Variants in BRD3 observed in about 807,000 individuals in gnomAD.
BRD3 encodes bromodomain-containing protein 3.
Under a neutral mutation model 66.8 loss-of-function variants are expected in BRD3, and 17 were observed. The observed-to-expected ratio is 0.25, with a 90% CI of 0.17 to 0.38. The LOEUF (loss-of-function observed/expected upper bound fraction) is 0.38. Among genes scored for constraint, BRD3 ranks in the 10% least tolerant of loss-of-function variants. BRD3 has a pLI of 1.00. For synonymous variants in BRD3, 421 were observed against 393.2 expected (o/e 1.07, Z -0.84); for missense variants, 713 against 956.1 (o/e 0.75, Z 3.35).
chr9:134,042,012 G>T, intron 7 of BRD3, 61 bp from the exon 8 acceptor site: 1 of 1,463,140 alleles, frequency 6.8e-7, no homozygotes, highest in Admixed American at 2.6e-5. Flanking sequence ...CCCTTGGTGT[G>T]GGCCCTCAGG....
chr9:134,044,061 C>T (rs181569608), intron 7 of BRD3, among the ~76,000 whole-genome samples: 98 of 152,346 alleles, frequency 6.4e-4, no homozygotes, highest in Middle Eastern at 6.8e-3. Context: ...TCAGCTCCCT[C>T]GTTAAACTCA....
chr9:134,051,490 C>G (rs558513117), intron 4 of BRD3, 72 bp downstream of exon 4: 1 of 1,402,382 alleles, frequency 7.1e-7, no homozygotes, highest in Non-Finnish European at 9.3e-7. Context: ...GCTAAAGGAT[C>G]GCGTCCCAGC....
intron 9 of BRD3, chr9:134,036,702 A>C: frequency 1.0e-6 from 1 of 958,860 alleles, no homozygotes; most frequent in Non-Finnish European, 1.6e-6. Flanking sequence ...TATATCAATA[A>C]TTATGTGAAA....
At chr9:134,061,829 C>T (rs899362711) in intron 1 of BRD3, among the ~76,000 whole-genome samples, 1 of 152,190 alleles carries the variant, frequency 6.6e-6, no homozygotes, top group Admixed American at 6.5e-5. Flanking sequence ...CCAGAATTCT[C>T]GGGATAATGC....
At chr9:134,066,325 G>T (rs1249974231) in intron 1 of BRD3, among the ~76,000 whole-genome samples, 1 of 152,184 alleles carries the variant, frequency 6.6e-6, no homozygotes, top group East Asian at 1.9e-4. Flanking sequence ...ACCCATCAAG[G>T]CCTCAACAGA....
chr9:134,054,815 A>AC (rs1830380670), intron 1 of BRD3, among the ~76,000 whole-genome samples: 1 of 151,478 alleles, frequency 6.6e-6, no homozygotes, highest in African/African-American at 2.4e-5. Context: ...GCAAACCAGG[A>AC]CCCCCTCCCC....
At position 134,050,533 on chromosome 9, in the gene BRD3, G is replaced by A. The variant is rs61733941; in HGVS notation, c.555C>T (p.Ser185=). 6.1e-5 allele frequency: 98 copies of A among 1,603,914 alleles called. 1 individual carries two copies. The highest frequency in any genetic ancestry group is 3.9e-4 in the African/African-American group (29 of 74,932). The part of the protein sequence containing the change: ...SSVSPATPFQ[S]VPPTVSQTPV... ...GCGTCTGGGAGACGGTGGGGGGCAC[G>A]CTCTGAAAGGGGGTCGCTGGGGAGA... The change falls in exon 5 of 12, where the codon AGC becomes AGT. Residue 185 remains serine, a synonymous_variant. Coordinates refer to ENST00000303407, the MANE Select transcript of BRD3 (RefSeq NM_007371.4).
chr9:134,067,842 C>A (rs1222708260), intron 1 of BRD3, 103 bp downstream of exon 1: 3 of 143,592 alleles, frequency 2.1e-5, no homozygotes, highest in Non-Finnish European at 4.6e-5. Flanking sequence ...CGCCGGCGGA[C>A]TGCGCGGGGC....
At chr9:134,067,732 C>G (rs1291182449) in intron 1 of BRD3, among the ~76,000 whole-genome samples, 1 of 144,962 alleles carries the variant, frequency 6.9e-6, no homozygotes, top group Non-Finnish European at 1.5e-5. Context: ...GCCGCCACCG[C>G]CGCCGCGACC....
chr9:134,034,917 C>T, intron 10 of BRD3, 88 bp from the exon 11 acceptor site: 2 of 1,568,942 alleles, frequency 1.3e-6, no homozygotes, highest in East Asian at 2.3e-5. Context: ...AGGCCCCAGC[C>T]CTGCACACTG....
Position 134,034,841 on chromosome 9 carries a change from C to T in BRD3, c.1937-12G>A. Reference sequence around the variant, plus strand: ...CTTCCCGCTTGCTGCTGTCGGGGAACAAATGGGCACTCAGACTGCAGAGCA... The same window carrying T: ...CTTCCCGCTTGCTGCTGTCGGGGAATAAATGGGCACTCAGACTGCAGAGCA... On this transcript the variant is annotated splice_polypyrimidine_tract_variant and intron_variant, in intron 10 of 11. Transcript: ENST00000303407. 6.2e-7 allele frequency: 1 copy of T among 1,610,846 alleles called. No homozygotes were observed. The highest frequency in any genetic ancestry group is 8.5e-7 in the Non-Finnish European group (1 of 1,179,998).
At chr9:134,035,047 G>A (rs568764065) in intron 10 of BRD3, among the ~76,000 whole-genome samples, 5 of 152,306 alleles carry the variant, frequency 3.3e-5, no homozygotes, top group African/African-American at 1.2e-4. Context: ...ACCCACATCT[G>A]CTGAGCCCTC....
chr9:134,068,367 C>T (rs1354584816), upstream of BRD3: 4 of 149,830 alleles, frequency 2.7e-5, no homozygotes, highest in African/African-American at 9.7e-5. Context: ...TTTTCCGGTG[C>T]CCCAGGACGG....
chr9:134,038,066 T>C (rs1021193050), intron 9 of BRD3, among the ~76,000 whole-genome samples: 3 of 152,254 alleles, frequency 2.0e-5, no homozygotes, highest in Non-Finnish European at 4.4e-5. Context: ...ATGGTTCTGC[T>C]AGTGAATCCT....
chr9:134,063,136 C>T (rs2132456758), intron 1 of BRD3, among the ~76,000 whole-genome samples: 1 of 152,384 alleles, frequency 6.6e-6, no homozygotes, highest in South Asian at 2.1e-4. Context: ...GCTCTCAGAC[C>T]ATCCCCTTGG....
chr9:134,053,713 A>C (rs1588293581), intron 1 of BRD3, 123 bp from the exon 2 acceptor site: 3 of 845,730 alleles, frequency 3.5e-6, no homozygotes, highest in East Asian at 2.9e-5. Flanking sequence ...CCACTCACTC[A>C]CCCCCATTGC....
intron 8 of BRD3, 30 bp downstream of exon 8, chr9:134,041,730 T>C: frequency 6.2e-7 from 1 of 1,602,110 alleles, no homozygotes; most frequent in Non-Finnish European, 8.5e-7. Flanking sequence ...CCTCAGCCCC[T>C]GAACCCCACC....
In BRD3 at chr9:134,033,093, C is replaced by G; in HGVS notation, c.*497G>C. 1 of 399,608 alleles carries G rather than the reference C, an allele frequency of 2.5e-6. No individual in the cohort carries two copies. 24.8% of individuals were successfully genotyped at this position (399,608 alleles called of 1,614,324 possible). ...CACAAGCAGGCACATCTGTCCTCAG[C>G]CCCTCCAGAAAGAGGTGGCCGCGTC... On this transcript the variant is annotated 3_prime_UTR_variant, in exon 12 of 12. Coordinates refer to ENST00000303407, the MANE Select transcript of BRD3 (RefSeq NM_007371.4). This position sits in a 1 kb window ranked among gnomAD's most constrained non-coding sequence, Gnocchi z 5.1.
chr9:134,033,848 A>T lies in BRD3; in HGVS notation c.2066-143T>A, dbSNP rs1843555898. The T allele has an allele frequency of 1.7e-6, 1 of 584,200 alleles. No homozygotes were observed. The highest frequency in any genetic ancestry group is 1.9e-5 in the African/African-American group (1 of 53,474). The allele number at this position is 584,200 out of a possible 1,614,324, so 36.2% of individuals were successfully genotyped here. On this transcript the variant is annotated intron_variant, in intron 11 of 11. Coordinates refer to ENST00000303407, the MANE Select transcript of BRD3 (RefSeq NM_007371.4). This position sits in a 1 kb window ranked among gnomAD's most constrained non-coding sequence, Gnocchi z 5.1. ...TGACCCAGTCGTTTAATAAGTATTT[A>T]TTGAAATTAATCAGGTCAACAAGAC...
Sources: allele counts gnomAD v4.1 joint callset (sites outside exome capture counted in the v4.1 genomes callset), GRCh38; gene constraint gnomAD v4.1.1; non-coding constraint Gnocchi (gnomAD v3.1); transcripts MANE v1.5; gene names NCBI Gene and HGNC (gene_info 2026-07-23, HGNC 2026-07-21).